Variants in SRCAP observed in about 807,000 individuals in gnomAD.
SRCAP encodes the protein Snf2 related CREBBP activator protein.
SRCAP carries 46 observed loss-of-function variants against 263.1 expected under a neutral mutation model. That is an observed-to-expected ratio of 0.17 (90% CI 0.14 to 0.22). The LOEUF (loss-of-function observed/expected upper bound fraction) is 0.22. Ranked by LOEUF, SRCAP falls within the 10% of genes least tolerant of loss-of-function variation. The probability of loss-of-function intolerance (pLI) is 1.00; values close to 1 mark genes in which losing one functional copy is unlikely to be tolerated. For missense variants in SRCAP, 3,695 were observed against 4,181.9 expected, an observed-to-expected ratio of 0.88 and a Z score of 3.21; for synonymous variants, 1,813 against 1,662.1, an observed-to-expected ratio of 1.09 and a Z score of -2.21.
Position 30,724,845 on chromosome 16 carries a change from G to A in SRCAP, c.5421G>A (p.Ala1807=), listed in dbSNP as rs1388645413. The change falls in exon 25 of 34, where the codon GCG becomes GCA. Residue 1807 remains alanine, a synonymous_variant. Coordinates refer to ENST00000262518, the MANE Select transcript of SRCAP (RefSeq NM_006662.3). Reference sequence around the variant, plus strand: ...GCCCGGCCGCAGCTCAGACCTTGGCGCTGGCCCCAGCCTCCACACAGTCCC... The same window carrying A: ...GCCCGGCCGCAGCTCAGACCTTGGCACTGGCCCCAGCCTCCACACAGTCCC... ...TLGPAAAQTL[A]LAPASTQSPA... 5.0e-6 allele frequency: 8 copies of A among 1,613,916 alleles called. No homozygotes were observed. Among genetic ancestry groups the A allele is most frequent in the South Asian group, 3.3e-5 (3 of 91,074 alleles).
At position 30,704,156 on chromosome 16, in the gene SRCAP, G is replaced by T. The variant is rs1046251918; in HGVS notation, c.147G>T (p.Gln49His). The T allele has an allele frequency of 1.2e-6, 2 of 1,614,204 alleles. No homozygotes were observed. Among genetic ancestry groups the T allele is most frequent in the Non-Finnish European group, 1.7e-6 (2 of 1,180,022 alleles). ...ASSGAGGISPQHIAQDSSLDG... is the reference protein window; with the variant it reads ...ASSGAGGISPHHIAQDSSLDG... ...GTGGGGCAGGCGGCATCTCCCCGCA[G>T]CACATAGCTCAAGATTCCTCACTGG... The change falls in exon 4 of 34, where the codon CAG (glutamine) becomes CAT (histidine). Residue 49 changes from glutamine to histidine, a missense_variant. Gln to His is a conservative substitution (Grantham distance 24). This residue lies in a region of SRCAP where 122 missense variants were observed against 116.9 expected (regional missense o/e 1.04). Transcript: ENST00000262518.
intron 18 of SRCAP, among the ~76,000 whole-genome samples, chr16:30,718,921 G>C (rs1440010345): frequency 6.7e-6 from 1 of 149,552 alleles, no homozygotes; most frequent in Non-Finnish European, 1.5e-5. Flanking sequence ...TTTTGATACA[G>C]AGTCTTACTC....
Position 30,736,349 on chromosome 16 carries a change from G to C in SRCAP, c.6879G>C (p.Glu2293Asp). Residue 2293 changes from glutamate to aspartate, a missense_variant, in exon 32 of 34, where the codon GAG (glutamate) becomes GAC (aspartate). Transcript: ENST00000262518. Reference sequence around the variant, plus strand: ...CTGGCCGGCCTGGGGCTGAGGATGAGGAGATGTCCCGGGCTGAGCAGGAAA... The same window carrying C: ...CTGGCCGGCCTGGGGCTGAGGATGACGAGATGTCCCGGGCTGAGCAGGAAA... ...EEAGRPGAED[E>D]EMSRAEQEIA... 6.2e-7 allele frequency: 1 copy of C among 1,614,042 alleles called. No individual in the cohort carries two copies. Among genetic ancestry groups the C allele is most frequent in the South Asian group, 1.1e-5 (1 of 91,062 alleles).
At chr16:30,711,768 G>T (rs1471042963) in intron 11 of SRCAP, 24 bp downstream of exon 11, 1 of 1,610,492 alleles carries the variant, frequency 6.2e-7, no homozygotes, top group Admixed American at 1.7e-5. Flanking sequence ...CATGAAGCAG[G>T]AGCTGGGGAG....
Position 30,737,790 on chromosome 16 carries a change from G to A in SRCAP, c.7750G>A (p.Asp2584Asn), listed in dbSNP as rs751477214. The A allele has an allele frequency of 3.7e-6, 6 of 1,614,164 alleles. No homozygotes were observed. In the Admixed American group the frequency reaches 1.0e-4, roughly 27 times the overall value. Reference protein sequence around the residue: ...TSSLSLVPPKDLLPVAVEILP... With the variant: ...TSSLSLVPPKNLLPVAVEILP... ...CTCACTTTCTCTTGTGCCCCCTAAA[G>A]ATCTGTTGCCAGTTGCTGTGGAGAT... The change falls in exon 34 of 34, where the codon GAT (aspartate) becomes AAT (asparagine). Residue 2584 changes from aspartate (D) to asparagine (N), a missense_variant. Coordinates refer to ENST00000262518, the MANE Select transcript of SRCAP (RefSeq NM_006662.3).
chr16:30,722,564 G>T lies in SRCAP; in HGVS notation c.3708G>T (p.Arg1236Ser), dbSNP rs1380672474. ...LAVGQPRPLQ[R>S]NVVHLVSAGG... ...TCTTTCTCTCTTCCCTTAACCCAGGGAATGTGGTGCACCTCGTGTCAGCAG... is the reference window on the plus strand; with the variant it reads ...TCTTTCTCTCTTCCCTTAACCCAGGTAATGTGGTGCACCTCGTGTCAGCAG... The change falls in exon 23 of 34, where the codon AGG becomes AGT. Residue 1236 changes from arginine to serine, a missense_variant and splice_region_variant. Arg to Ser is a moderately radical substitution (Grantham distance 110, BLOSUM62 -1). Coordinates refer to ENST00000262518, the MANE Select transcript of SRCAP (RefSeq NM_006662.3). The T allele has an allele frequency of 1.2e-6, 2 of 1,613,914 alleles. No individual in the cohort carries two copies. The highest frequency in any genetic ancestry group is 1.7e-4 in the Middle Eastern group (1 of 6,058).
At position 30,707,371 on chromosome 16, in the gene SRCAP, A is replaced by G. The variant is rs766539368; in HGVS notation, c.492+3A>G. On this transcript the variant is annotated splice_donor_region_variant and intron_variant, in intron 5 of 33. Transcript: ENST00000262518. ...GGAAACGGGGTGTGGCCCGGAAGGT[A>G]GGTCTTCCGCTGGGACTTCCTTCCT... The G allele has an allele frequency of 1.5e-5, 24 of 1,613,402 alleles. No individual in the cohort carries two copies. Among genetic ancestry groups the G allele is most frequent in the Admixed American group, 1.3e-4 (8 of 59,990 alleles).
rs769640930 is a variant in SRCAP, at chr16:30,720,996, C to G, written c.3253+18C>G. 36 of 1,585,216 alleles carry G rather than the reference C, an allele frequency of 2.3e-5. No homozygotes were observed. The highest frequency in any genetic ancestry group is 3.1e-5 in the Non-Finnish European group (36 of 1,165,258). ...CCCCCAGGGTGAGTTGAAAGGGAGC[C>G]AAGGATGATGCGTGGTGCTTCAGAA... is the stretch of plus-strand genomic sequence containing the variant. On this transcript the variant is annotated intron_variant, in intron 20 of 33. Transcript: ENST00000262518.
At chr16:30,701,456 T>G (rs2052765296) in intron 3 of SRCAP, 1 of 152,214 alleles carries the variant, frequency 6.6e-6, no homozygotes, top group African/African-American at 2.4e-5. Flanking sequence ...TTTTCATGTT[T>G]GTAAAGTTGG....
intron 30 of SRCAP, 64 bp from the exon 31 acceptor site, chr16:30,734,432 T>C (rs1356518965): frequency 9.4e-6 from 15 of 1,603,910 alleles, no homozygotes; most frequent in Non-Finnish European, 1.1e-5. Context: ...CCATCAGCCT[T>C]ACAGCTTAGA....
rs201769687 is a variant in SRCAP, at chr16:30,723,775, G to C, written c.4351G>C (p.Ala1451Pro). ...ISVPTTLPAP[A>P]SAPLTIPISA... ...TGTCCCCACCACACTTCCTGCCCCA[G>C]CCTCGGCTCCACTCACCATCCCCAT... Residue 1451 changes from alanine (A) to proline (P), a missense_variant, in exon 25 of 34, where the codon GCC becomes CCC. By Grantham distance (27) the Ala-to-Pro change is conservative. Coordinates refer to ENST00000262518, the MANE Select transcript of SRCAP (RefSeq NM_006662.3). The C allele has an allele frequency of 1.4e-5, 22 of 1,613,658 alleles. No homozygotes were observed. The highest frequency in any genetic ancestry group is 4.4e-5 in the South Asian group (4 of 91,048).
intron 13 of SRCAP, 95 bp from the exon 14 acceptor site, chr16:30,712,584 C>G (rs2052903667): frequency 6.4e-7 from 1 of 1,570,310 alleles, no homozygotes; most frequent in Admixed American, 1.8e-5. Context: ...GCTAGGATTC[C>G]TAGGAAGGGC....
At chr16:30,734,349 A>G (rs1327071839) in intron 30 of SRCAP, 147 bp from the exon 31 acceptor site, 5 of 1,276,954 alleles carry the variant, frequency 3.9e-6, no homozygotes, top group East Asian at 2.4e-5. Flanking sequence ...CAAAAAAGAA[A>G]AAACAAAAAG....
chr16:30,720,019 C>T (rs1322984983), intron 18 of SRCAP, 143 bp from the exon 19 acceptor site: 3 of 837,804 alleles, frequency 3.6e-6, no homozygotes, highest in Non-Finnish European at 5.6e-6. Flanking sequence ...ATGTTTAGCT[C>T]CCACTTGTGA....
intron 25 of SRCAP, among the ~76,000 whole-genome samples, chr16:30,726,769 C>T (rs1187711105): frequency 7.9e-5 from 12 of 151,976 alleles, no homozygotes; most frequent in Admixed American, 5.9e-4. Flanking sequence ...GGCACCATCC[C>T]GGCTCACTGC....
At chr16:30,734,799 C>G (rs1235603549) in intron 31 of SRCAP, among the ~76,000 whole-genome samples, 184 bp downstream of exon 31, 1 of 152,082 alleles carries the variant, frequency 6.6e-6, no homozygotes, top group Non-Finnish European at 1.5e-5. Context: ...GAAAAAAAAA[C>G]AGGATTTTGG....
intron 33 of SRCAP, 62 bp downstream of exon 33, chr16:30,736,686 T>G: frequency 6.4e-7 from 1 of 1,564,574 alleles, no homozygotes; most frequent in South Asian, 1.1e-5. Flanking sequence ...TCTTTTCTCT[T>G]TTTTTTGAGA....
chr16:30,702,956 C>T lies in SRCAP; in HGVS notation c.55-1108C>T, dbSNP rs7202945. On this transcript the variant is annotated intron_variant, in intron 3 of 33. Transcript: ENST00000262518. ...TGTTTGAGAACATTGGCTATGCCTG[C>T]AGCCCATGCCTGTCCAGTGAAGAGG... 9.1e-3 allele frequency among the ~76,000 whole-genome samples: 1,376 copies of T among 152,010 alleles called. 9 individuals are homozygous for T. The highest frequency in any genetic ancestry group is 0.016 in the African/African-American group (670 of 41,452).
In SRCAP at chr16:30,722,559, C is replaced by T. The variant is rs1411644172; in HGVS notation, c.3707-4C>T. Reference sequence around the variant, plus strand: ...CTCTCTCTTTCTCTCTTCCCTTAACCCAGGGAATGTGGTGCACCTCGTGTC... The same window carrying T: ...CTCTCTCTTTCTCTCTTCCCTTAACTCAGGGAATGTGGTGCACCTCGTGTC... On this transcript the variant is annotated splice_region_variant and splice_polypyrimidine_tract_variant and intron_variant, in intron 22 of 33. Transcript: ENST00000262518. 6.2e-7 allele frequency: 1 copy of T among 1,613,602 alleles called. No individual in the cohort carries two copies. Among genetic ancestry groups the T allele is most frequent in the African/African-American group, 1.3e-5 (1 of 74,896 alleles).
Sources: gnomAD v4.1 joint callset for allele counts (sites outside exome capture counted in the v4.1 genomes callset) on GRCh38, gnomAD v4.1.1 for gene constraint, gnomAD v4.1.1 regional missense constraint, MANE v1.5 for transcripts, NCBI Gene and HGNC (gene_info 2026-07-23, HGNC 2026-07-21) for gene names.